SH2D7: variants seen among roughly 807,000 people sequenced by gnomAD.
SH2D7 encodes SH2 domain containing 7, also known as SH2 domain-containing protein 7.
In SH2D7, 32 loss-of-function variants were observed where a neutral mutation model predicts 40.8. The observed-to-expected ratio is 0.78, with a 90% CI of 0.59 to 1.05. SH2D7 has a LOEUF of 1.05. SH2D7 is among the 50% of genes least tolerant of loss of function. SH2D7 has a pLI of 0.00. For synonymous variants in SH2D7, 195 were observed against 221.5 expected (o/e 0.88, Z 1.06); for missense variants, 559 against 566.6 (o/e 0.99, Z 0.14).
chr15:78,098,669 A>C, intron 4 of SH2D7, 73 bp downstream of exon 4: 16 of 1,501,786 alleles, frequency 1.1e-5, no homozygotes, highest in Middle Eastern at 2.0e-4. Flanking sequence ...TCCCAGTCAG[A>C]CCCTGAGGCC....
intron 4 of SH2D7, among the ~76,000 whole-genome samples, chr15:78,100,407 C>T (rs908603563): frequency 9.9e-5 from 15 of 152,002 alleles, no homozygotes; most frequent in African/African-American, 2.7e-4. Context: ...AGGTAAAGTA[C>T]GAGTCCTAGG....
intron 2 of SH2D7, among the ~76,000 whole-genome samples, chr15:78,094,540 T>C (rs1341947638): frequency 1.3e-5 from 2 of 152,090 alleles, no homozygotes; most frequent in Non-Finnish European, 2.9e-5. Flanking sequence ...TGGAACGCCA[T>C]GTGCAAAAAT....
Position 78,092,726 on chromosome 15 carries a change from C to T in SH2D7, c.142C>T (p.Leu48=). The T allele has an allele frequency of 6.2e-7, 1 of 1,606,760 alleles. No homozygotes were observed. Among genetic ancestry groups the T allele is most frequent in the South Asian group, 1.1e-5 (1 of 89,262 alleles). ...QAPFILQNGA[L]PPWFHGFITR... is the part of the protein sequence containing the mutation. ...CCCCTTCATTCTGCAGAACGGTGCC[C>T]TGCCTCCCTGGTTTCATGGATTCAT... is the stretch of plus-strand genomic sequence containing the variant. Residue 48 remains leucine (L), a synonymous_variant, in exon 1 of 6, where the codon CTG becomes TTG. Coordinates refer to ENST00000328828, the MANE Select transcript of SH2D7 (RefSeq NM_001101404.2).
At position 78,101,708 on chromosome 15, in the gene SH2D7, A is replaced by AGTG. The variant is rs544657353; in HGVS notation, c.1305+170_1305+172dup. On this transcript the variant is annotated intron_variant, in intron 5 of 5. Coordinates refer to ENST00000328828, the MANE Select transcript of SH2D7 (RefSeq NM_001101404.2). Reference sequence around the variant, plus strand: ...TTTCCAGCCCTAATATCTGCCTAGAAGTGGTGGTGGTGGTGGTGGTGGGAG... The same window carrying AGTG: ...TTTCCAGCCCTAATATCTGCCTAGAAGTGGTGGTGGTGGTGGTGGTGGTGGGAG... 762 of 983,106 alleles carry AGTG rather than the reference A, an allele frequency of 7.8e-4. 1 individual carries two copies. Among genetic ancestry groups the AGTG allele is most frequent in the African/African-American group, 6.9e-3 (422 of 60,828 alleles). The allele number at this position is 983,106 out of a possible 1,614,324, so 60.9% of individuals were successfully genotyped here.
At chr15:78,097,907 A>G in intron 2 of SH2D7, 22 bp from the exon 3 acceptor site, 2 of 1,610,808 alleles carry the variant, frequency 1.2e-6, no homozygotes, top group Non-Finnish European at 1.7e-6. Flanking sequence ...GCAGCCCCAG[A>G]CCACAAGCAC....
At chr15:78,090,836 C>T (rs565402791), upstream of SH2D7, among the ~76,000 whole-genome samples, 81 of 152,174 alleles carry the variant, frequency 5.3e-4, no homozygotes, top group African/African-American at 1.9e-3. Context: ...TTTTTTTAAA[C>T]TTTTTCACTG....
At chr15:78,097,148 G>A (rs1160896389) in intron 2 of SH2D7, among the ~76,000 whole-genome samples, 2 of 152,226 alleles carry the variant, frequency 1.3e-5, no homozygotes, top group Non-Finnish European at 2.9e-5. Flanking sequence ...TATTATAGAA[G>A]TTCTCTAATG....
Position 78,098,368 on chromosome 15 carries a change from AT to A in SH2D7, c.433-15del. On this transcript the variant is annotated splice_polypyrimidine_tract_variant and intron_variant, in intron 3 of 5. Coordinates refer to ENST00000328828, the MANE Select transcript of SH2D7 (RefSeq NM_001101404.2). ...GCATGTGTGACCACATACCTGCCGTATCCGCATGCTCCCAGCCAGAGGACAA... is the reference window on the plus strand; with the variant it reads ...GCATGTGTGACCACATACCTGCCGTACCGCATGCTCCCAGCCAGAGGACAA... 6.2e-7 allele frequency: 1 copy of A among 1,612,422 alleles called. No homozygotes were observed. Among genetic ancestry groups the A allele is most frequent in the Non-Finnish European group, 8.5e-7 (1 of 1,179,722 alleles).
At chr15:78,093,710 A>T (rs550846163) in intron 1 of SH2D7, among the ~76,000 whole-genome samples, 1 of 152,234 alleles carries the variant, frequency 6.6e-6, no homozygotes, top group Non-Finnish European at 1.5e-5. Flanking sequence ...CACTGTACAC[A>T]GTGGTTCTGA....
rs1368454220 is a variant in SH2D7 at position 78,098,058 on chromosome 15, G to A, written c.396G>A (p.Glu132=). 2.5e-6 allele frequency: 4 copies of A among 1,613,500 alleles called. No homozygotes were observed. Among genetic ancestry groups the A allele is most frequent in the East Asian group, 2.2e-5 (1 of 44,878 alleles). The change falls in exon 3 of 6, where the codon GAG becomes GAA. Residue 132 remains glutamate (E), a synonymous_variant. Coordinates refer to ENST00000328828, the MANE Select transcript of SH2D7 (RefSeq NM_001101404.2). The part of the protein sequence containing the change: ...LVHHYQEAQL[E]PFKEMLTAAC... ...ACCATTACCAGGAGGCACAGCTCGA[G>A]CCCTTCAAAGAGATGCTGACTGCTG...
chr15:78,098,700 C>G, intron 4 of SH2D7, 104 bp downstream of exon 4: 1 of 1,333,300 alleles, frequency 7.5e-7, no homozygotes, highest in Non-Finnish European at 1.0e-6. Flanking sequence ...CTCCCTCCGG[C>G]TGTGGAGGGT....
At chr15:78,095,852 T>G (rs1337110585) in intron 2 of SH2D7, among the ~76,000 whole-genome samples, 1 of 152,154 alleles carries the variant, frequency 6.6e-6, no homozygotes, top group Non-Finnish European at 1.5e-5. Flanking sequence ...TTTATTTATT[T>G]ATTTTTTGGA....
chr15:78,099,221 T>G (rs2141873232), intron 4 of SH2D7, among the ~76,000 whole-genome samples: 1 of 152,284 alleles, frequency 6.6e-6, no homozygotes, highest in Non-Finnish European at 1.5e-5. Context: ...TTCAACATAT[T>G]GGCCAGGCTG....
upstream of SH2D7, among the ~76,000 whole-genome samples, chr15:78,091,742 G>T (rs548832016): frequency 1.3e-5 from 2 of 152,116 alleles, no homozygotes; most frequent in African/African-American, 2.4e-5. Context: ...CTGTTAAAAC[G>T]ACATGAGCTT....
chr15:78,092,600 A>G lies in SH2D7; in HGVS notation c.16A>G (p.Lys6Glu). 6.4e-7 allele frequency: 1 copy of G among 1,551,558 alleles called. No individual in the cohort carries two copies. The change falls in exon 1 of 6, where the codon AAG becomes GAG. Residue 6 changes from lysine to glutamate, a missense_variant. By Grantham distance (56) the Lys-to-Glu change is moderately conservative (BLOSUM62 1). Coordinates refer to ENST00000328828, the MANE Select transcript of SH2D7 (RefSeq NM_001101404.2). ...GCCTGCCAGCATGGAGGACAGCCTA[A>G]AGCAGCTCAGCCTGGGGAGAGATCC... The part of the protein sequence containing the change: MEDSL[K>E]QLSLGRDPEG...
Position 78,096,905 on chromosome 15 carries a change from T to A in SH2D7, c.267-1024T>A, listed in dbSNP as rs181550538. On this transcript the variant is annotated intron_variant, in intron 2 of 5. Coordinates refer to ENST00000328828, the MANE Select transcript of SH2D7 (RefSeq NM_001101404.2). ...CTCCTTGGTATATTCACATCAGAAA[T>A]GAGTACATATTCACCAAAAGATATG... 2.6e-5 allele frequency among the ~76,000 whole-genome samples: 4 copies of A among 152,264 alleles called. No homozygotes were observed. In the East Asian group the frequency reaches 7.7e-4, roughly 29 times the overall value.
intron 1 of SH2D7, 59 bp from the exon 2 acceptor site, chr15:78,094,053 A>C: frequency 6.7e-7 from 1 of 1,502,858 alleles, no homozygotes. Context: ...GGCCTAAGTC[A>C]GGCTGCACCT....
chr15:78,098,602 G>A lies in SH2D7; in HGVS notation c.645+6G>A, dbSNP rs752415228. On this transcript the variant is annotated splice_donor_region_variant and intron_variant, in intron 4 of 5. Transcript: ENST00000328828. The stretch of plus-strand genomic sequence containing the variant: ...CCCAGGAGGAAAGCATGGAGGTGAG[G>A]AGCATTATGGGCCACCTAGAGTCAG... 1 of 1,612,312 alleles carries A rather than the reference G, an allele frequency of 6.2e-7. No homozygotes were observed.
upstream of SH2D7, among the ~76,000 whole-genome samples, chr15:78,092,381 C>G (rs1192418519): frequency 6.6e-6 from 1 of 152,134 alleles, no homozygotes; most frequent in Non-Finnish European, 1.5e-5. Context: ...GGTGATTGTT[C>G]CCCCATGTCT....
Sources: gnomAD v4.1 joint callset for allele counts (sites outside exome capture counted in the v4.1 genomes callset) on GRCh38, gnomAD v4.1.1 for gene constraint, MANE v1.5 for transcripts, NCBI Gene and HGNC (gene_info 2026-07-23, HGNC 2026-07-21) for gene names.